The following LYPLA1 variants were observed in gnomAD, a reference collection of about 807,000 sequenced individuals.
LYPLA1 encodes lysophospholipase 1, also known as acyl-protein thioesterase 1.
LYPLA1 carries 17 observed loss-of-function variants against 34.0 expected under a neutral mutation model. The observed-to-expected ratio is 0.50, with a 90% CI of 0.34 to 0.75. The LOEUF is 0.75. Ranked by LOEUF, LYPLA1 falls within the 30% of genes least tolerant of loss-of-function variation. The pLI is 0.01. For synonymous variants in LYPLA1, 98 were observed against 100.8 expected (o/e 0.97, Z 0.17); for missense variants, 203 against 288.8 (o/e 0.70, Z 2.15).
chr8:54,074,539 C>A (rs892878825), intron 2 of LYPLA1, among the ~76,000 whole-genome samples: 3 of 152,188 alleles, frequency 2.0e-5, no homozygotes, highest in African/African-American at 4.8e-5. Flanking sequence ...TTTTCCAGGA[C>A]CTTTGAAAGG....
At chr8:54,089,662 G>A (rs1317666103) in intron 2 of LYPLA1, among the ~76,000 whole-genome samples, 4 of 149,046 alleles carry the variant, frequency 2.7e-5, no homozygotes, top group African/African-American at 5.0e-5. Flanking sequence ...TCTCACTGTT[G>A]CGCAAGCTGG....
At position 54,063,358 on chromosome 8, in the gene LYPLA1, G is replaced by A. The variant is rs755633782; in HGVS notation, c.185C>T (p.Thr62Ile). The change falls in exon 4 of 9, where the codon ACA becomes ATA. Residue 62 changes from threonine to isoleucine, a missense_variant. Thr to Ile is a moderately conservative substitution (Grantham distance 89). Coordinates refer to ENST00000316963, the MANE Select transcript of LYPLA1 (RefSeq NM_006330.4). ...AGGCATAGCCACGTTCATATTTAAT[G>A]TAACAGGCCTAACAGGCCTACATGG... Reference protein sequence around the residue: ...ICPHAPVRPVTLNMNVAMPSW... With the variant: ...ICPHAPVRPVILNMNVAMPSW... The A allele has an allele frequency of 9.1e-6, 14 of 1,539,804 alleles. No individual in the cohort carries two copies. The highest frequency in any genetic ancestry group is 1.4e-5 in the African/African-American group (1 of 72,258).
At chr8:54,062,912 T>C (rs1806765541) in intron 4 of LYPLA1, among the ~76,000 whole-genome samples, 2 of 152,196 alleles carry the variant, frequency 1.3e-5, no homozygotes, top group Non-Finnish European at 2.9e-5. Flanking sequence ...AAACTGACCC[T>C]ACTTTCTGAC....
Position 54,064,257 on chromosome 8 carries a change from A to G in LYPLA1, c.168-882T>C, listed in dbSNP as rs575729262. 1.1e-3 allele frequency among the ~76,000 whole-genome samples: 28 copies of G among 26,178 alleles called. No individual in the cohort carries two copies. The South Asian group carries it at 0.021, about 20-fold the overall frequency. The allele number at this position is 26,178 out of a possible 152,430, so 17.2% of individuals were successfully genotyped here. On this transcript the variant is annotated intron_variant, in intron 3 of 8. Coordinates refer to ENST00000316963, the MANE Select transcript of LYPLA1 (RefSeq NM_006330.4). ...TGGTGAAACCATGTCTCTATTAAAA[A>G]TACAAAAAATTAGCCCAGGCATGGT...
chr8:54,089,205 A>T (rs1809021864), intron 2 of LYPLA1, among the ~76,000 whole-genome samples: 1 of 152,210 alleles, frequency 6.6e-6, no homozygotes, highest in African/African-American at 2.4e-5. Flanking sequence ...AGTTTTTGGT[A>T]TGTGAATTAT....
intron 2 of LYPLA1, among the ~76,000 whole-genome samples, chr8:54,072,774 T>G (rs931720080): frequency 6.6e-6 from 1 of 150,812 alleles, no homozygotes; most frequent in Non-Finnish European, 1.5e-5. Context: ...AGGTCAGGAG[T>G]TCGAGACCAA....
In LYPLA1 at chr8:54,079,907, C is replaced by T. The variant is rs1344120390; in HGVS notation, c.102-14094G>A. ...ATGTTTTCCATGGTTATTGCCAATGCTGATTTTCTGTAAGCTTTTTCTATT... is the reference window on the plus strand; with the variant it reads ...ATGTTTTCCATGGTTATTGCCAATGTTGATTTTCTGTAAGCTTTTTCTATT... On this transcript the variant is annotated intron_variant, in intron 2 of 8. Coordinates refer to ENST00000316963, the MANE Select transcript of LYPLA1 (RefSeq NM_006330.4). Among the ~76,000 whole-genome samples the T allele has an allele frequency of 2.6e-5, 4 of 152,230 alleles. No individual in the cohort carries two copies. In the East Asian group the frequency reaches 7.7e-4, roughly 29 times the overall value.
chr8:54,083,423 A>G (rs1159529766), intron 2 of LYPLA1, among the ~76,000 whole-genome samples: 1 of 152,362 alleles, frequency 6.6e-6, no homozygotes, highest in African/African-American at 2.4e-5. Context: ...TTCCCAACTT[A>G]TAATGGCTAA....
chr8:54,060,732 ACC>A (rs1806554463), intron 5 of LYPLA1, among the ~76,000 whole-genome samples: 2 of 120,806 alleles, frequency 1.7e-5, no homozygotes, highest in Non-Finnish European at 3.2e-5. Context: ...TCCCTCTGTC[ACC>A]CAGGCTGGAG....
In LYPLA1 at chr8:54,101,778, C is replaced by T; in HGVS notation, c.46G>A (p.Ala16Thr). 2 of 1,298,028 alleles carry T rather than the reference C, an allele frequency of 1.5e-6. No homozygotes were observed. The highest frequency in any genetic ancestry group is 2.0e-6 in the Non-Finnish European group (2 of 1,014,884). The allele number at this position is 1,298,028 out of a possible 1,614,324, so 80.4% of individuals were successfully genotyped here. A position where few individuals can be genotyped will look rare whatever the true frequency, so the allele number is the denominator to read the frequency against. Residue 16 changes from alanine to threonine, a missense_variant, in exon 1 of 9, where the codon GCC becomes ACC. Coordinates refer to ENST00000316963, the MANE Select transcript of LYPLA1 (RefSeq NM_006330.4). Reference sequence around the variant, plus strand: ...ACCGCAGCGGTGGCCTTCCGGGCGGCGGGCACGATGGCGGGCAGCGGGGTT... The same window carrying T: ...ACCGCAGCGGTGGCCTTCCGGGCGGTGGGCACGATGGCGGGCAGCGGGGTT... ...MSTPLPAIVP[A>T]ARKATAAVIF...
chr8:54,071,470 C>T (rs1385535647), intron 2 of LYPLA1, among the ~76,000 whole-genome samples: 1 of 152,012 alleles, frequency 6.6e-6, no homozygotes, highest in Non-Finnish European at 1.5e-5. Flanking sequence ...TCTATATATA[C>T]GTACATATAT....
chr8:54,055,027 T>A, intron 6 of LYPLA1, 33 bp downstream of exon 6: 1 of 1,241,544 alleles, frequency 8.1e-7, no homozygotes, highest in Non-Finnish European at 1.2e-6. Flanking sequence ...AGTATACTGA[T>A]GGTACTGACA....
intron 2 of LYPLA1, among the ~76,000 whole-genome samples, chr8:54,081,603 G>T (rs1808325414): frequency 6.6e-6 from 1 of 151,706 alleles, no homozygotes; most frequent in East Asian, 1.9e-4. Flanking sequence ...GCGCCACCAT[G>T]ACAGGGTTTC....
downstream of LYPLA1, among the ~76,000 whole-genome samples, chr8:54,043,426 C>T (rs187014458): frequency 1.3e-5 from 2 of 152,202 alleles, no homozygotes; most frequent in East Asian, 3.9e-4. Context: ...CAGGCGTGCA[C>T]CACCACACCT....
intron 5 of LYPLA1, among the ~76,000 whole-genome samples, chr8:54,060,714 A>T (rs1806551068): frequency 7.8e-6 from 1 of 128,732 alleles, no homozygotes. Context: ...TTTTTTTGAG[A>T]CACAGTCTCC....
chr8:54,084,578 A>C, intron 2 of LYPLA1, among the ~76,000 whole-genome samples: 1 of 152,196 alleles, frequency 6.6e-6, no homozygotes, highest in African/African-American at 2.4e-5. Flanking sequence ...CTCAAAAAAA[A>C]AGAGAGAGAC....
intron 2 of LYPLA1, among the ~76,000 whole-genome samples, chr8:54,069,882 C>A (rs549650816): frequency 6.6e-6 from 1 of 152,072 alleles, no homozygotes; most frequent in African/African-American, 2.4e-5. Flanking sequence ...GTTAATACAC[C>A]ATGAAAAGAT....
chr8:54,086,118 T>C (rs1808745287), intron 2 of LYPLA1, among the ~76,000 whole-genome samples: 2 of 152,176 alleles, frequency 1.3e-5, no homozygotes, highest in Non-Finnish European at 2.9e-5. Flanking sequence ...TGTTAATCTA[T>C]AACCTTACCC....
Position 54,052,985 on chromosome 8 carries a change from CCATGGGAAACTGCTGCACTTACAA to C in LYPLA1, c.361-253_361-230del. 8.7e-6 allele frequency: 4 copies of C among 457,530 alleles called. No individual in the cohort carries two copies. The East Asian group carries it at 1.2e-4, about 14-fold the overall frequency. 28.3% of individuals were successfully genotyped at this position (457,530 alleles called of 1,614,324 possible). A position where few individuals can be genotyped will look rare whatever the true frequency, so the allele number is the denominator to read the frequency against. On this transcript the variant is annotated intron_variant, in intron 6 of 8. Transcript: ENST00000316963. ...CCTTTCCGACGAGACATAGTTTGTA[CCATGGGAAACTGCTGCACTTACAA>C]CATGCCTTACGAATATTCTGAATTT...
Sources: gnomAD v4.1 joint callset for allele counts (sites outside exome capture counted in the v4.1 genomes callset) on GRCh38, gnomAD v4.1.1 for gene constraint, MANE v1.5 for transcripts, NCBI Gene and HGNC (gene_info 2026-07-23, HGNC 2026-07-21) for gene names.